The following COL15A1 variants were observed in gnomAD, a reference collection of about 807,000 sequenced individuals.
The protein encoded by COL15A1 is collagen type XV alpha 1 chain, also known as collagen alpha-1(XV) chain.
COL15A1 carries 111 observed loss-of-function variants against 165.9 expected under a neutral mutation model. The observed-to-expected ratio is 0.67, with a 90% CI of 0.57 to 0.78. The LOEUF (loss-of-function observed/expected upper bound fraction) is 0.78, where lower values mean the gene tolerates loss of function less well. Ranked by LOEUF, COL15A1 falls within the 30% of genes least tolerant of loss-of-function variation. The pLI, the probability that COL15A1 is intolerant of heterozygous loss-of-function variation, is 0.00. For synonymous variants in COL15A1, 659 were observed against 674.8 expected (o/e 0.98, Z 0.36); for missense variants, 1,745 against 1,789.7 (o/e 0.98, Z 0.45).
chr9:99,058,263 G>A (rs12001981), intron 35 of COL15A1, among the ~76,000 whole-genome samples: 16,869 of 152,226 alleles, frequency 0.11, 1,029 homozygotes, highest in South Asian at 0.19. Context: ...GGTCCTGATG[G>A]GCCTGACTTG....
At chr9:98,954,284 AAG>A (rs1229546233) in intron 2 of COL15A1, among the ~76,000 whole-genome samples, 1 of 152,222 alleles carries the variant, frequency 6.6e-6, no homozygotes, top group African/African-American at 2.4e-5. Flanking sequence ...TAGGGCCAAA[AAG>A]AGGAGTTTAA....
At chr9:99,059,816 G>A in intron 35 of COL15A1, 73 bp from the exon 36 acceptor site, 1 of 1,544,502 alleles carries the variant, frequency 6.5e-7, no homozygotes, top group Non-Finnish European at 8.9e-7. Context: ...CTTCTCTCCG[G>A]GAGTCAGCTG....
intron 2 of COL15A1, among the ~76,000 whole-genome samples, chr9:98,972,616 C>A (rs1486992296): frequency 6.6e-6 from 1 of 152,246 alleles, no homozygotes; most frequent in Non-Finnish European, 1.5e-5. Flanking sequence ...AGCAAGCCTG[C>A]AGAAAATTTT....
chr9:98,990,834 C>T (rs1838408293), intron 5 of COL15A1, among the ~76,000 whole-genome samples: 1 of 152,172 alleles, frequency 6.6e-6, no homozygotes, highest in African/African-American at 2.4e-5. Context: ...TTCTTGGTCT[C>T]ACCGACTTCA....
chr9:98,946,706 A>G lies in COL15A1; in HGVS notation c.100+2456A>G, dbSNP rs1469754255. 4.6e-5 allele frequency among the ~76,000 whole-genome samples: 7 copies of G among 152,244 alleles called. No homozygotes were observed. The East Asian group carries it at 9.6e-4, about 21-fold the overall frequency. On this transcript the variant is annotated intron_variant, in intron 2 of 41. Coordinates refer to ENST00000375001, the MANE Select transcript of COL15A1 (RefSeq NM_001855.5). ...ACAATTGCCAAGACTTCATAGCACT[A>G]TGAACCAGCAGTGTTTTAAGTGCCC...
chr9:98,953,746 A>G (rs1242893082), intron 2 of COL15A1, among the ~76,000 whole-genome samples: 1 of 152,184 alleles, frequency 6.6e-6, no homozygotes, highest in Admixed American at 6.5e-5. Flanking sequence ...CTTGCAGGCA[A>G]CACCCTGGCC....
At chr9:99,005,874 C>T (rs1041729395) in intron 9 of COL15A1, among the ~76,000 whole-genome samples, 15 of 152,180 alleles carry the variant, frequency 9.9e-5, no homozygotes, top group African/African-American at 3.6e-4. Flanking sequence ...TTCTTGGAAG[C>T]TTCCCATCGC....
chr9:99,062,380 C>G lies in COL15A1; in HGVS notation c.3591+76C>G, dbSNP rs73503789. Reference sequence around the variant, plus strand: ...CTGAGTCCTCCTTGGTATCTAGCACCAAGCTCTCCAAACTCTGGACAGTCA... The same window carrying G: ...CTGAGTCCTCCTTGGTATCTAGCACGAAGCTCTCCAAACTCTGGACAGTCA... On this transcript the variant is annotated intron_variant, in intron 38 of 41. Coordinates refer to ENST00000375001, the MANE Select transcript of COL15A1 (RefSeq NM_001855.5). 6.7e-3 allele frequency: 7,082 copies of G among 1,062,426 alleles called. 311 individuals are homozygous for G. The African/African-American group carries it at 0.096, about 14-fold the overall frequency. The allele number at this position is 1,062,426 out of a possible 1,614,324, so 65.8% of individuals were successfully genotyped here. A position where few individuals can be genotyped will look rare whatever the true frequency, so the allele number is the denominator to read the frequency against.
At chr9:98,992,647 G>A (rs534478318) in intron 5 of COL15A1, among the ~76,000 whole-genome samples, 31 of 152,386 alleles carry the variant, frequency 2.0e-4, no homozygotes, top group Non-Finnish European at 2.8e-4. Context: ...CCGCCAGCAC[G>A]TTGTCAATTC....
At chr9:98,959,072 AAG>A (rs1837822813) in intron 2 of COL15A1, among the ~76,000 whole-genome samples, 1 of 151,762 alleles carries the variant, frequency 6.6e-6, no homozygotes, top group African/African-American at 2.4e-5. Flanking sequence ...CATACCTGGA[AAG>A]AGTATTGTAG....
chr9:98,997,183 T>G, intron 6 of COL15A1, 102 bp downstream of exon 6: 1 of 1,400,950 alleles, frequency 7.1e-7, no homozygotes, highest in Non-Finnish European at 9.9e-7. Context: ...CATTTAACCT[T>G]CCCCTCAACC....
chr9:99,069,554 A>G (rs1462493863), intron 41 of COL15A1, 119 bp from the exon 42 acceptor site: 1 of 1,295,996 alleles, frequency 7.7e-7, no homozygotes, highest in Admixed American at 2.2e-5. Context: ...TAGAGAAGTG[A>G]TTTGGCATCA....
chr9:99,022,913 G>C (rs2119011302), intron 13 of COL15A1, among the ~76,000 whole-genome samples: 1 of 152,318 alleles, frequency 6.6e-6, no homozygotes, highest in Admixed American at 6.5e-5. Context: ...TCTCAGGTTT[G>C]GGCTGGCTCT....
chr9:98,949,429 A>G (rs538539841), intron 2 of COL15A1, among the ~76,000 whole-genome samples: 1 of 152,336 alleles, frequency 6.6e-6, no homozygotes, highest in African/African-American at 2.4e-5. Flanking sequence ...CAGAGTGTGC[A>G]TATCCCCCAA....
At chr9:99,025,760 C>G in intron 15 of COL15A1, 144 bp from the exon 16 acceptor site, 1 of 786,764 alleles carries the variant, frequency 1.3e-6, no homozygotes, top group East Asian at 2.7e-5. Flanking sequence ...GGGCCAAGGA[C>G]TAGGTTCCTG....
chr9:99,035,790 C>A (rs1013071914), intron 19 of COL15A1, among the ~76,000 whole-genome samples: 2 of 152,098 alleles, frequency 1.3e-5, no homozygotes, highest in African/African-American at 4.8e-5. Flanking sequence ...GTGCTCCTGG[C>A]AGGTGCCCCT....
intron 4 of COL15A1, 111 bp from the exon 5 acceptor site, chr9:98,989,065 CGG>C (rs1838370344): frequency 1.4e-6 from 1 of 739,404 alleles, no homozygotes; most frequent in Non-Finnish European, 2.4e-6. Flanking sequence ...CACACACACA[CGG>C]TTTCCCTGTA....
chr9:99,003,983 A>C (rs1464916907), intron 8 of COL15A1, among the ~76,000 whole-genome samples: 1 of 152,186 alleles, frequency 6.6e-6, no homozygotes, highest in Non-Finnish European at 1.5e-5. Context: ...GAGGGTAAGT[A>C]GAAGTCGCCT....
chr9:99,049,475 A>G (rs997622848), intron 28 of COL15A1, among the ~76,000 whole-genome samples: 10 of 152,160 alleles, frequency 6.6e-5, no homozygotes, highest in Non-Finnish European at 1.5e-4. Flanking sequence ...ACCAGAGACA[A>G]TACTTGTTGC....
Sources: allele counts gnomAD v4.1 joint callset (sites outside exome capture counted in the v4.1 genomes callset), GRCh38; gene constraint gnomAD v4.1.1; transcripts MANE v1.5; gene names NCBI Gene and HGNC (gene_info 2026-07-23, HGNC 2026-07-21).